Variants in ZNF804A observed in about 807,000 individuals in gnomAD.
The protein encoded by ZNF804A is zinc finger protein 804A.
In ZNF804A, 2 loss-of-function variants were observed where a neutral mutation model predicts 16.5. The observed-to-expected ratio is 0.12, with a 90% CI of 0.05 to 0.38. ZNF804A has a LOEUF of 0.38. Ranked by LOEUF, ZNF804A falls within the 10% of genes least tolerant of loss-of-function variation. The pLI, the probability that ZNF804A is intolerant of heterozygous loss-of-function variation, is 0.99. For synonymous variants in ZNF804A, 534 were observed against 489.6 expected, an observed-to-expected ratio of 1.09 and a Z score of -1.20; for missense variants, 1,473 against 1,390.7, an observed-to-expected ratio of 1.06 and a Z score of -0.94.
At chr2:184,747,338 A>G (rs1043592299) in intron 1 of ZNF804A, among the ~76,000 whole-genome samples, 8 of 149,802 alleles carry the variant, frequency 5.3e-5, no homozygotes, top group East Asian at 1.9e-4. Flanking sequence ...AAAAAAAAAA[A>G]AAAAGAAATG....
At chr2:184,820,411 A>G (rs900700095) in intron 1 of ZNF804A, among the ~76,000 whole-genome samples, 10 of 152,072 alleles carry the variant, frequency 6.6e-5, no homozygotes, top group Non-Finnish European at 1.5e-4. Context: ...TTGAAGGAAT[A>G]TACCTCAAAA....
At chr2:184,723,817 A>G (rs1282971705) in intron 1 of ZNF804A, among the ~76,000 whole-genome samples, 3 of 151,634 alleles carry the variant, frequency 2.0e-5, no homozygotes, top group Middle Eastern at 3.2e-3. Context: ...TGGTGTAGGT[A>G]TTTGGGGATT....
intron 2 of ZNF804A, among the ~76,000 whole-genome samples, chr2:184,906,672 AC>A (rs1332325161): frequency 6.6e-6 from 1 of 152,016 alleles, no homozygotes; most frequent in Non-Finnish European, 1.5e-5. Flanking sequence ...CATCAAGATT[AC>A]CAGTACCCCT....
Position 184,935,830 on chromosome 2 carries a change from G to A in ZNF804A, c.434G>A (p.Arg145Lys). ...TTCAAATCAACAACTGTTACTGTGA[G>A]AGAAAACTGTAATGAAATTTCCCAA... ...PMFKSTTVTV[R>K]ENCNEISQRV... The change falls in exon 4 of 4, where the codon AGA becomes AAA. Residue 145 changes from arginine (R) to lysine (K), a missense_variant. Arg to Lys is a conservative substitution (Grantham distance 26, BLOSUM62 2). Coordinates refer to ENST00000302277, the MANE Select transcript of ZNF804A (RefSeq NM_194250.2). The A allele has an allele frequency of 6.2e-7, 1 of 1,613,144 alleles. No homozygotes were observed. The highest frequency in any genetic ancestry group is 8.5e-7 in the Non-Finnish European group (1 of 1,179,560).
chr2:184,642,149 G>C (rs762360970), intron 1 of ZNF804A, among the ~76,000 whole-genome samples: 8 of 151,994 alleles, frequency 5.3e-5, no homozygotes, highest in Non-Finnish European at 8.8e-5. Context: ...AAATGTTTGT[G>C]GCACTATTTT....
intron 1 of ZNF804A, among the ~76,000 whole-genome samples, chr2:184,724,337 T>C (rs1693368378): frequency 6.6e-6 from 1 of 151,588 alleles, no homozygotes; most frequent in Non-Finnish European, 1.5e-5. Context: ...TTGTCTTAAG[T>C]GAAGAAAAAT....
At chr2:184,842,007 G>A (rs1386908762) in intron 1 of ZNF804A, among the ~76,000 whole-genome samples, 5 of 152,160 alleles carry the variant, frequency 3.3e-5, no homozygotes, top group Non-Finnish European at 4.4e-5. Context: ...TCAAAGCTGA[G>A]ATAATTTGAA....
At chr2:184,676,590 C>A (rs1362749834) in intron 1 of ZNF804A, among the ~76,000 whole-genome samples, 1 of 151,490 alleles carries the variant, frequency 6.6e-6, no homozygotes. Context: ...ATATCATATA[C>A]AATATGAGTA....
chr2:184,635,919 T>G (rs1485386472), intron 1 of ZNF804A, among the ~76,000 whole-genome samples: 1 of 152,162 alleles, frequency 6.6e-6, no homozygotes, highest in African/African-American at 2.4e-5. Flanking sequence ...TGATGGGAAA[T>G]GAAAACAAAT....
At chr2:184,834,294 C>G (rs542082832) in intron 1 of ZNF804A, among the ~76,000 whole-genome samples, 1 of 152,144 alleles carries the variant, frequency 6.6e-6, no homozygotes, top group African/African-American at 2.4e-5. Flanking sequence ...CTATGAAGTT[C>G]TGATATGTAC....
chr2:184,645,179 C>A (rs1691852082), intron 1 of ZNF804A, among the ~76,000 whole-genome samples: 1 of 151,958 alleles, frequency 6.6e-6, no homozygotes, highest in African/African-American at 2.4e-5. Flanking sequence ...ACAATTATTT[C>A]TATAGTTTCA....
chr2:184,868,127 G>A (rs188842294), intron 2 of ZNF804A, among the ~76,000 whole-genome samples: 1 of 152,084 alleles, frequency 6.6e-6, no homozygotes, highest in East Asian at 1.9e-4. Context: ...GTATTCTAGA[G>A]GCCCACCTTT....
intron 2 of ZNF804A, among the ~76,000 whole-genome samples, chr2:184,906,053 A>G (rs953473143): frequency 6.6e-6 from 1 of 152,134 alleles, no homozygotes; most frequent in Non-Finnish European, 1.5e-5. Flanking sequence ...TTATGGTTTT[A>G]ACTTTTAAAA....
intron 1 of ZNF804A, among the ~76,000 whole-genome samples, chr2:184,703,469 G>A (rs1323040131): frequency 2.0e-5 from 3 of 151,882 alleles, no homozygotes; most frequent in Admixed American, 6.6e-5. Context: ...TTGGGAGGCC[G>A]AGGCGGGCAG....
Position 184,937,319 on chromosome 2 carries a change from G to A in ZNF804A, c.1923G>A (p.Lys641=), listed in dbSNP as rs769617739. The A allele has an allele frequency of 6.2e-7, 1 of 1,613,948 alleles. No individual in the cohort carries two copies. The highest frequency in any genetic ancestry group is 1.1e-5 in the South Asian group (1 of 91,072). ...ATCTATTGGAACCAATTTCAGAAAA[G>A]CAGTATTTAGCTGCAGAGCAATTAT... ...GKYLLEPISE[K]QYLAAEQLLD... Residue 641 remains lysine, a synonymous_variant, in exon 4 of 4, where the codon AAG becomes AAA. Coordinates refer to ENST00000302277, the MANE Select transcript of ZNF804A (RefSeq NM_194250.2).
intron 1 of ZNF804A, among the ~76,000 whole-genome samples, chr2:184,857,976 A>G (rs1448742703): frequency 6.6e-6 from 1 of 152,090 alleles, no homozygotes; most frequent in Admixed American, 6.6e-5. Flanking sequence ...ATAGGTAAGA[A>G]CTTATTGCTG....
chr2:184,677,989 A>G (rs759125321), intron 1 of ZNF804A, among the ~76,000 whole-genome samples: 15 of 152,022 alleles, frequency 9.9e-5, no homozygotes, highest in Admixed American at 3.9e-4. Context: ...AGTGGTTAAC[A>G]TCTTAACCTT....
intron 1 of ZNF804A, among the ~76,000 whole-genome samples, chr2:184,821,385 C>T (rs1452428818): frequency 2.0e-5 from 3 of 152,084 alleles, no homozygotes; most frequent in Admixed American, 6.6e-5. Flanking sequence ...AACTAGACCC[C>T]TTTCTTACAC....
At chr2:184,895,143 T>C (rs1383115589) in intron 2 of ZNF804A, among the ~76,000 whole-genome samples, 2 of 152,022 alleles carry the variant, frequency 1.3e-5, no homozygotes, top group Non-Finnish European at 2.9e-5. Context: ...TACACGAAAC[T>C]ACACAACTAG....
Sources: gnomAD v4.1 joint callset for allele counts (sites outside exome capture counted in the v4.1 genomes callset) on GRCh38, gnomAD v4.1.1 for gene constraint, MANE v1.5 for transcripts, NCBI Gene and HGNC (gene_info 2026-07-23, HGNC 2026-07-21) for gene names.